Variants in PTPRE observed in about 807,000 individuals in gnomAD.
PTPRE encodes protein tyrosine phosphatase receptor type E.
Under a neutral mutation model 102.0 loss-of-function variants are expected in PTPRE, and 51 were observed. That is an observed-to-expected ratio of 0.50 (90% CI 0.40 to 0.63). The LOEUF (loss-of-function observed/expected upper bound fraction) is 0.63, where lower values mean the gene tolerates loss of function less well. Ranked by LOEUF, PTPRE falls within the 30% of genes least tolerant of loss-of-function variation. The probability of loss-of-function intolerance (pLI) is 0.00; values close to 1 mark genes in which losing one functional copy is unlikely to be tolerated. For missense variants in PTPRE, 752 were observed against 915.1 expected (o/e 0.82, Z 2.30); for synonymous variants, 345 against 348.2 (o/e 0.99, Z 0.10).
Position 128,040,949 on chromosome 10 carries a change from A to G in PTPRE, c.68A>G (p.Asn23Ser), listed in dbSNP as rs1192447555. The G allele has an allele frequency of 3.7e-6, 6 of 1,613,950 alleles. No individual in the cohort carries two copies. In the East Asian group the frequency reaches 1.1e-4, roughly 30 times the overall value. ...CCGCTCGCCAGGGCTCTCAGGGGCA[A>G]CGAGACCACTGCCGACAGCAACGAG... ...SLPLARALRG[N>S]ETTADSNETT... is the part of the protein sequence containing the mutation. Residue 23 changes from asparagine to serine, a missense_variant, in exon 3 of 21, where the codon AAC (asparagine) becomes AGC (serine). Asn to Ser is a conservative substitution (Grantham distance 46). Around this residue, in one of 2 missense-constraint regions of PTPRE, gnomAD observed 116 missense variants for 90.8 expected, o/e 1.28. Coordinates refer to ENST00000254667, the MANE Select transcript of PTPRE (RefSeq NM_006504.6).
At chr10:128,054,100 GC>G (rs1436040019) in intron 6 of PTPRE, among the ~76,000 whole-genome samples, 1 of 152,094 alleles carries the variant, frequency 6.6e-6, no homozygotes, top group African/African-American at 2.4e-5. Flanking sequence ...AGCAGTTTTA[GC>G]TATACAGAAT....
chr10:128,033,308 G>A (rs1035159496), intron 2 of PTPRE, among the ~76,000 whole-genome samples: 1 of 152,220 alleles, frequency 6.6e-6, no homozygotes, highest in Non-Finnish European at 1.5e-5. Flanking sequence ...GCTCCCAAGG[G>A]TAGAAGAATT....
chr10:128,047,339 G>A, intron 3 of PTPRE, 51 bp from the exon 4 acceptor site: 1 of 1,587,728 alleles, frequency 6.3e-7, no homozygotes, highest in Non-Finnish European at 8.6e-7. Context: ...AGACTCTTTT[G>A]CAAACTGTGA....
At position 128,076,701 on chromosome 10, in the gene PTPRE, A is replaced by T; in HGVS notation, c.1698A>T (p.Ile566=). 6.2e-7 allele frequency: 1 copy of T among 1,611,544 alleles called. No homozygotes were observed. The highest frequency in any genetic ancestry group is 8.5e-7 in the Non-Finnish European group (1 of 1,179,428). ...KNDTLSEAIS[I]RDFLVTLNQP... is the part of the protein sequence containing the mutation. Reference sequence around the variant, plus strand: ...ATACCCTTTCAGAAGCCATCAGTATACGAGACTTTCTGGTCACTCTCAATC... The same window carrying T: ...ATACCCTTTCAGAAGCCATCAGTATTCGAGACTTTCTGGTCACTCTCAATC... The change falls in exon 18 of 21, where the codon ATA becomes ATT. Residue 566 remains isoleucine (I), a synonymous_variant. Transcript: ENST00000254667.
At chr10:128,061,470 T>C (rs1849585388) in intron 8 of PTPRE, among the ~76,000 whole-genome samples, 1 of 152,222 alleles carries the variant, frequency 6.6e-6, no homozygotes, top group Non-Finnish European at 1.5e-5. Context: ...GGGAAAGGTT[T>C]GGCAGAAAAA....
At chr10:128,081,532 G>A (rs536850914) in intron 20 of PTPRE, among the ~76,000 whole-genome samples, 5 of 152,318 alleles carry the variant, frequency 3.3e-5, no homozygotes, top group South Asian at 2.1e-4. Context: ...ATTAGTGATC[G>A]TCTCCATTTC....
chr10:128,053,151 T>C (rs1848682145), intron 6 of PTPRE, among the ~76,000 whole-genome samples: 1 of 152,144 alleles, frequency 6.6e-6, no homozygotes, highest in Non-Finnish European at 1.5e-5. Context: ...CTCAGGAGGC[T>C]GAGGTGGGAG....
intron 1 of PTPRE, among the ~76,000 whole-genome samples, chr10:127,931,731 A>C (rs947609323): frequency 6.6e-6 from 1 of 152,214 alleles, no homozygotes; most frequent in Admixed American, 6.5e-5. Flanking sequence ...CACCTTAGGA[A>C]TTAGGAGTTT....
At chr10:127,927,296 A>G (rs960866649) in intron 1 of PTPRE, among the ~76,000 whole-genome samples, 9 of 152,200 alleles carry the variant, frequency 5.9e-5, no homozygotes, top group Non-Finnish European at 1.2e-4. Context: ...CAGCATTGGA[A>G]CACAAAACTA....
At chr10:127,941,315 A>G (rs2135291664) in intron 1 of PTPRE, among the ~76,000 whole-genome samples, 1 of 152,322 alleles carries the variant, frequency 6.6e-6, no homozygotes, top group South Asian at 2.1e-4. Context: ...TGGGAGCAAC[A>G]CCTATTTATT....
intron 2 of PTPRE, among the ~76,000 whole-genome samples, chr10:127,982,949 A>G (rs140336021): frequency 1.3e-5 from 2 of 152,348 alleles, no homozygotes; most frequent in African/African-American, 4.8e-5. Context: ...AGAAAATCTA[A>G]GAGCTTTCGC....
intron 2 of PTPRE, among the ~76,000 whole-genome samples, chr10:127,985,309 G>A (rs759223753): frequency 1.2e-4 from 18 of 152,388 alleles, no homozygotes; most frequent in East Asian, 9.6e-4. Flanking sequence ...TGGGCTGGGC[G>A]TGGTGGCTCA....
intron 1 of PTPRE, among the ~76,000 whole-genome samples, chr10:127,943,696 CT>C (rs1848411337): frequency 6.6e-6 from 1 of 152,228 alleles, no homozygotes; most frequent in Non-Finnish European, 1.5e-5. Context: ...ATTGGAGAGA[CT>C]CAGCCACTTT....
chr10:128,067,598 C>T (rs906118017), intron 11 of PTPRE, among the ~76,000 whole-genome samples: 4 of 152,236 alleles, frequency 2.6e-5, no homozygotes, highest in African/African-American at 4.8e-5. Context: ...TATCACCTTC[C>T]GTGATCTGGG....
At chr10:127,909,865 C>T (rs999504829) in intron 1 of PTPRE, among the ~76,000 whole-genome samples, 7 of 152,100 alleles carry the variant, frequency 4.6e-5, no homozygotes, top group East Asian at 1.9e-4. Context: ...ACATTTTTGC[C>T]GATGTGGATG....
At position 127,969,127 on chromosome 10, in the gene PTPRE, T is replaced by C. The variant is rs533394085; in HGVS notation, c.-30-13147T>C. On this transcript the variant is annotated intron_variant, in intron 1 of 20. Transcript: ENST00000254667. The stretch of plus-strand genomic sequence containing the variant: ...CCTTTAAAAAATACTAATCTGGGGT[T>C]ATGATAGTGCAACACTAAATTCGGA... Among the ~76,000 whole-genome samples the C allele has an allele frequency of 1.3e-5, 2 of 152,376 alleles. 1 individual carries two copies. The highest frequency in any genetic ancestry group is 4.1e-4 in the South Asian group (2 of 4,830).
chr10:128,057,932 G>T (rs766750486), intron 7 of PTPRE, among the ~76,000 whole-genome samples: 1 of 152,218 alleles, frequency 6.6e-6, no homozygotes, highest in Non-Finnish European at 1.5e-5. Context: ...GGAATAATGT[G>T]TGTCAAATTT....
At chr10:127,967,611 G>T (rs778018998) in intron 1 of PTPRE, among the ~76,000 whole-genome samples, 1 of 152,110 alleles carries the variant, frequency 6.6e-6, no homozygotes, top group Non-Finnish European at 1.5e-5. Flanking sequence ...CCCAGTCTAG[G>T]GTATTTCTTC....
At chr10:128,013,424 T>G (rs943268250) in intron 2 of PTPRE, among the ~76,000 whole-genome samples, 2 of 152,142 alleles carry the variant, frequency 1.3e-5, no homozygotes, top group Non-Finnish European at 2.9e-5. Context: ...GGAGCGCCAC[T>G]GGGGGCTGCT....
Sources: gnomAD v4.1 joint callset for allele counts (sites outside exome capture counted in the v4.1 genomes callset) on GRCh38, gnomAD v4.1.1 for gene constraint, gnomAD v4.1.1 regional missense constraint, MANE v1.5 for transcripts, NCBI Gene and HGNC (gene_info 2026-07-23, HGNC 2026-07-21) for gene names.